Variants in ADAMTS18 observed in about 807,000 individuals in gnomAD.
ADAMTS18 encodes ADAM metallopeptidase with thrombospondin type 1 motif 18, also known as A disintegrin and metalloproteinase with thrombospondin motifs 18.
Under a neutral mutation model 165.9 loss-of-function variants are expected in ADAMTS18, and 157 were observed. The ratio of observed to expected loss-of-function variants is 0.95; its 90% confidence interval spans 0.83 to 1.08. The LOEUF (loss-of-function observed/expected upper bound fraction) is 1.08, where lower values mean the gene tolerates loss of function less well. ADAMTS18 is among the 50% of genes least tolerant of loss of function. The pLI, the probability that ADAMTS18 is intolerant of heterozygous loss-of-function variation, is 0.00. For synonymous variants in ADAMTS18, 782 were observed against 578.2 expected, an observed-to-expected ratio of 1.35 and a Z score of -5.06; for missense variants, 2,040 against 1,534.0, an observed-to-expected ratio of 1.33 and a Z score of -5.51.
At chr16:77,290,094 T>C (rs905366181) in intron 21 of ADAMTS18, among the ~76,000 whole-genome samples, 1 of 152,260 alleles carries the variant, frequency 6.6e-6, no homozygotes, top group Non-Finnish European at 1.5e-5. Flanking sequence ...TTTTCTTAAA[T>C]GTACATATGC....
chr16:77,400,376 CT>C (rs1252337019), intron 3 of ADAMTS18, among the ~76,000 whole-genome samples: 5 of 151,638 alleles, frequency 3.3e-5, no homozygotes, highest in Non-Finnish European at 5.9e-5. Context: ...GGGACTACCC[CT>C]GATTAATGGA....
chr16:77,399,582 T>C (rs2057300281), intron 3 of ADAMTS18, among the ~76,000 whole-genome samples: 2 of 152,222 alleles, frequency 1.3e-5, no homozygotes, highest in South Asian at 2.1e-4. Context: ...TTCTAGAAAG[T>C]TGCTTAATCA....
intron 3 of ADAMTS18, among the ~76,000 whole-genome samples, chr16:77,416,774 C>T (rs1162400794): frequency 6.6e-6 from 1 of 152,110 alleles, no homozygotes; most frequent in African/African-American, 2.4e-5. Context: ...GAAGTCATCT[C>T]ACCACTATGA....
In ADAMTS18 at chr16:77,411,720, C is replaced by T. The variant is rs144779149; in HGVS notation, c.495+19575G>A. ...TTTTTTTTTTGAGACAGAGTCTTGC[C>T]CTGTCACCTGGGCTGGAGTGCAGTG... On this transcript the variant is annotated intron_variant, in intron 3 of 22. Transcript: ENST00000282849. Among the ~76,000 whole-genome samples, 11 of 125,634 alleles carry T rather than the reference C, an allele frequency of 8.8e-5. No homozygotes were observed. The South Asian group carries it at 1.8e-3, about 21-fold the overall frequency. The allele number at this position is 125,634 out of a possible 152,430, so 82.4% of individuals were successfully genotyped here. A position where few individuals can be genotyped will look rare whatever the true frequency, so the allele number is the denominator to read the frequency against.
At chr16:77,379,100 G>A (rs2056995026) in intron 3 of ADAMTS18, 1 of 152,210 alleles carries the variant, frequency 6.6e-6, no homozygotes, top group South Asian at 2.1e-4. Flanking sequence ...CTAGGTTTTA[G>A]TTTTGACTGG....
At position 77,300,343 on chromosome 16, in the gene ADAMTS18, T is replaced by C; in HGVS notation, c.2594A>G (p.Asn865Ser). 1 of 1,614,042 alleles carries C rather than the reference T, an allele frequency of 6.2e-7. No homozygotes were observed. Among genetic ancestry groups the C allele is most frequent in the Non-Finnish European group, 8.5e-7 (1 of 1,179,972 alleles). Residue 865 changes from asparagine (N) to serine (S), a missense_variant, in exon 17 of 23, where the codon AAT becomes AGT. Coordinates refer to ENST00000282849, the MANE Select transcript of ADAMTS18 (RefSeq NM_199355.4). ...AWKYALPKVM[N>S]GTPPATKRPA... ...TCTTTTTGTGGCTGGTGGAGTTCCA[T>C]TCATGACCTTGGGAAGTGCATACTT...
Position 77,294,959 on chromosome 16 carries a change from G to A in ADAMTS18, c.2970C>T (p.Ala990=). ...PTQVQACNSH[A]CPPQWSLGPW... is the part of the protein sequence containing the mutation. ...GTCCAAGGCTCCATTGTGGAGGGCA[G>A]GCATGGCTGTTGCAGGCTTGGACCT... The change falls in exon 19 of 23, where the codon GCC becomes GCT. Residue 990 remains alanine, a synonymous_variant. Coordinates refer to ENST00000282849, the MANE Select transcript of ADAMTS18 (RefSeq NM_199355.4). 1 of 1,614,176 alleles carries A rather than the reference G, an allele frequency of 6.2e-7. No individual in the cohort carries two copies. Among genetic ancestry groups the A allele is most frequent in the Non-Finnish European group, 8.5e-7 (1 of 1,180,028 alleles).
intron 3 of ADAMTS18, among the ~76,000 whole-genome samples, chr16:77,390,296 T>G (rs1444109905): frequency 6.6e-6 from 1 of 152,160 alleles, no homozygotes; most frequent in Non-Finnish European, 1.5e-5. Flanking sequence ...ACTGGTAATA[T>G]GTGGAGAAGA....
At chr16:77,365,760 C>A (rs775632261) in intron 4 of ADAMTS18, among the ~76,000 whole-genome samples, 2 of 152,160 alleles carry the variant, frequency 1.3e-5, no homozygotes, top group Non-Finnish European at 2.9e-5. Context: ...AGTACTGTAA[C>A]ACTGGTCCAG....
At chr16:77,434,246 G>A (rs142353053) in intron 2 of ADAMTS18, among the ~76,000 whole-genome samples, 172 bp downstream of exon 2, 1 of 151,584 alleles carries the variant, frequency 6.6e-6, no homozygotes, top group Non-Finnish European at 1.5e-5. Flanking sequence ...TGATTCTTTT[G>A]ATAAGTTCAG....
intron 7 of ADAMTS18, among the ~76,000 whole-genome samples, chr16:77,359,676 G>A (rs2056684162): frequency 1.3e-5 from 2 of 152,114 alleles, no homozygotes; most frequent in African/African-American, 2.4e-5. Flanking sequence ...AGCCCTGTAA[G>A]GTCAGTATGA....
intron 11 of ADAMTS18, among the ~76,000 whole-genome samples, chr16:77,337,960 G>A (rs934277787): frequency 2.0e-5 from 3 of 148,776 alleles, no homozygotes; most frequent in African/African-American, 7.4e-5. Context: ...CTGGAATGCA[G>A]TGGTGCGATC....
intron 10 of ADAMTS18, among the ~76,000 whole-genome samples, chr16:77,347,738 G>A (rs2056498424): frequency 6.6e-6 from 1 of 151,830 alleles, no homozygotes; most frequent in South Asian, 2.1e-4. Context: ...TCCTTTTTTG[G>A]TAAGGGGATT....
intron 16 of ADAMTS18, among the ~76,000 whole-genome samples, chr16:77,305,896 C>G (rs1472720799): frequency 6.6e-6 from 1 of 152,168 alleles, no homozygotes; most frequent in Non-Finnish European, 1.5e-5. Flanking sequence ...TGAAAATGAT[C>G]ATTCCCATTG....
chr16:77,411,743 G>C (rs994510541), intron 3 of ADAMTS18, among the ~76,000 whole-genome samples: 1 of 136,534 alleles, frequency 7.3e-6, no homozygotes, highest in Admixed American at 8.1e-5. Context: ...CTGGAGTGCA[G>C]TGGCGCAATC....
At chr16:77,384,565 T>C (rs868571194) in intron 3 of ADAMTS18, among the ~76,000 whole-genome samples, 4 of 152,156 alleles carry the variant, frequency 2.6e-5, no homozygotes, top group African/African-American at 4.8e-5. Flanking sequence ...CTTCTGTACA[T>C]TGGGGAACGT....
At chr16:77,414,933 G>A (rs1196506063) in intron 3 of ADAMTS18, among the ~76,000 whole-genome samples, 1 of 152,194 alleles carries the variant, frequency 6.6e-6, no homozygotes, top group Admixed American at 6.5e-5. Context: ...CAACTGCTCA[G>A]ACAGGCACAT....
At chr16:77,344,743 C>CAA (rs34250947) in intron 10 of ADAMTS18, among the ~76,000 whole-genome samples, 1 of 145,002 alleles carries the variant, frequency 6.9e-6, no homozygotes. Flanking sequence ...CAAAGCAAAA[C>CAA]AAAAAAAAAA....
At position 77,434,431 on chromosome 16, in the gene ADAMTS18, G is replaced by T. The variant is rs1393554544; in HGVS notation, c.165C>A (p.Ser55Arg). The change falls in exon 2 of 23, where the codon AGC (serine) becomes AGA (arginine). Residue 55 changes from serine (S) to arginine (R), a missense_variant. Physicochemically the swap from Ser to Arg is moderately radical, Grantham distance 110 (BLOSUM62 -1). Coordinates refer to ENST00000282849, the MANE Select transcript of ADAMTS18 (RefSeq NM_199355.4). Reference protein sequence around the residue: ...ALASDSSSGASGLNDDYVFVT... With the variant: ...ALASDSSSGARGLNDDYVFVT... ...GCAAATACGAACCATCATTTAATCC[G>T]CTGGCGCCGCTGCTGCTGTCACTGG... The T allele has an allele frequency of 1.3e-6, 2 of 1,571,202 alleles. No individual in the cohort carries two copies. Among genetic ancestry groups the T allele is most frequent in the Non-Finnish European group, 8.6e-7 (1 of 1,164,736 alleles).
Sources: allele counts gnomAD v4.1 joint callset (sites outside exome capture counted in the v4.1 genomes callset), GRCh38; gene constraint gnomAD v4.1.1; transcripts MANE v1.5; gene names NCBI Gene and HGNC (gene_info 2026-07-23, HGNC 2026-07-21).